The following INPP5A variants were observed in gnomAD, a reference collection of about 807,000 sequenced individuals.
INPP5A encodes inositol polyphosphate-5-phosphatase A, also known as 43 kDa inositol polyphosphate 5-phophatase.
INPP5A carries 14 observed loss-of-function variants against 65.2 expected under a neutral mutation model. The observed-to-expected ratio is 0.21, with a 90% CI of 0.14 to 0.34. The LOEUF (loss-of-function observed/expected upper bound fraction) is 0.34. Among genes scored for constraint, INPP5A ranks in the 10% least tolerant of loss-of-function variants. The pLI is 1.00. For missense variants in INPP5A, 431 were observed against 545.6 expected, an observed-to-expected ratio of 0.79 and a Z score of 2.09; for synonymous variants, 207 against 208.3, an observed-to-expected ratio of 0.99 and a Z score of 0.05.
chr10:132,692,054 C>T (rs931552195), intron 5 of INPP5A, among the ~76,000 whole-genome samples: 6 of 151,878 alleles, frequency 4.0e-5, no homozygotes, highest in African/African-American at 1.5e-4. Flanking sequence ...CGGGGGGCCT[C>T]GGGCTGGGCG....
chr10:132,766,689 T>A (rs1228463785), intron 12 of INPP5A, among the ~76,000 whole-genome samples: 1 of 152,170 alleles, frequency 6.6e-6, no homozygotes, highest in Non-Finnish European at 1.5e-5. Flanking sequence ...TGCACATGTG[T>A]GTGTGTTCAC....
chr10:132,718,920 C>T (rs1220331696), intron 8 of INPP5A, among the ~76,000 whole-genome samples: 4 of 135,498 alleles, frequency 3.0e-5, no homozygotes, highest in South Asian at 2.5e-4. Context: ...GGCTGTCTTG[C>T]GGGTTCTGTG....
intron 2 of INPP5A, among the ~76,000 whole-genome samples, chr10:132,625,840 CTGTGTGTGTGTGTG>C (rs139839964): frequency 1.1e-4 from 16 of 146,692 alleles, no homozygotes; most frequent in South Asian, 8.8e-4. Context: ...GGCAGGACTT[CTGTGTGTGTGTGTG>C]TGTGTGTGTG....
intron 1 of INPP5A, among the ~76,000 whole-genome samples, chr10:132,573,450 T>G (rs1314826488): frequency 4.0e-5 from 4 of 100,338 alleles, no homozygotes; most frequent in Non-Finnish European, 5.9e-5. Flanking sequence ...ACGTGCCGTG[T>G]GAGGTTTTGT....
rs1206635460 is a variant in INPP5A at position 132,727,452 on chromosome 10, T to C, written c.732+547T>C. 2.0e-5 allele frequency: 3 copies of C among 152,022 alleles called. No individual in the cohort carries two copies. The highest frequency in any genetic ancestry group is 1.9e-4 in the East Asian group (1 of 5,182). 9.4% of individuals were successfully genotyped at this position (152,022 alleles called of 1,614,324 possible). A position where few individuals can be genotyped will look rare whatever the true frequency, so the allele number is the denominator to read the frequency against. ...CTCAGGGGTCCAGGGTGCTCCTGGG[T>C]GTGCTTTCGGGCTGGCCGGGGACCA... is the stretch of plus-strand genomic sequence containing the variant. On this transcript the variant is annotated intron_variant, in intron 9 of 15. Transcript: ENST00000368594. The surrounding 1 kb of genome is among the most constrained non-coding windows in gnomAD (Gnocchi z 6.5).
At chr10:132,631,282 G>A (rs556629932) in intron 2 of INPP5A, among the ~76,000 whole-genome samples, 3 of 152,286 alleles carry the variant, frequency 2.0e-5, no homozygotes, top group African/African-American at 7.2e-5. Flanking sequence ...TCTGACCAGG[G>A]GCCTGTGGGA....
intron 11 of INPP5A, among the ~76,000 whole-genome samples, chr10:132,759,223 C>T (rs765160447): frequency 7.2e-5 from 11 of 152,194 alleles, no homozygotes; most frequent in Non-Finnish European, 1.6e-4. Flanking sequence ...ACAGGAAGTC[C>T]CCAGGCCCCT....
At chr10:132,564,666 C>A (rs1455245498) in intron 1 of INPP5A, among the ~76,000 whole-genome samples, 1 of 152,204 alleles carries the variant, frequency 6.6e-6, no homozygotes, top group Non-Finnish European at 1.5e-5. Context: ...ACAGACCTTG[C>A]CAAATGGCAG....
Position 132,727,558 on chromosome 10 carries a change from G to A in INPP5A, c.732+653G>A, listed in dbSNP as rs1215837218. On this transcript the variant is annotated intron_variant, in intron 9 of 15. Transcript: ENST00000368594. The surrounding 1 kb of genome is among the most constrained non-coding windows in gnomAD (Gnocchi z 6.5). Reference sequence around the variant, plus strand: ...AGGGCCGATGTTTCTCTGTGGTCCAGTCCACGCTGGCTGTGGGTCCTCCCT... The same window carrying A: ...AGGGCCGATGTTTCTCTGTGGTCCAATCCACGCTGGCTGTGGGTCCTCCCT... Among the ~76,000 whole-genome samples the A allele has an allele frequency of 1.3e-5, 2 of 152,098 alleles. No homozygotes were observed. Among genetic ancestry groups the A allele is most frequent in the Non-Finnish European group, 2.9e-5 (2 of 68,006 alleles).
At chr10:132,655,622 C>T (rs897354267) in intron 4 of INPP5A, among the ~76,000 whole-genome samples, 3 of 152,188 alleles carry the variant, frequency 2.0e-5, no homozygotes, top group Non-Finnish European at 2.9e-5. Context: ...AATTCATTTT[C>T]GTTTAACGTC....
intron 4 of INPP5A, among the ~76,000 whole-genome samples, chr10:132,664,216 A>T (rs11146456): frequency 2.0e-5 from 3 of 152,100 alleles, no homozygotes; most frequent in Non-Finnish European, 4.4e-5. Context: ...TTCCTGTGCA[A>T]ATTCTTGCGG....
chr10:132,640,960 G>A (rs527288472), intron 2 of INPP5A, among the ~76,000 whole-genome samples: 4 of 152,266 alleles, frequency 2.6e-5, no homozygotes, highest in African/African-American at 4.8e-5. Context: ...TTTTTCCGCC[G>A]GGATGCTCTG....
At chr10:132,569,479 CCT>C (rs1407998756) in intron 1 of INPP5A, among the ~76,000 whole-genome samples, 2 of 152,120 alleles carry the variant, frequency 1.3e-5, no homozygotes, top group African/African-American at 2.4e-5. Context: ...AACTCAGCCC[CCT>C]GAGTAGCTGG....
chr10:132,771,350 G>C (rs935970765), intron 12 of INPP5A, among the ~76,000 whole-genome samples: 11 of 152,232 alleles, frequency 7.2e-5, no homozygotes, highest in African/African-American at 2.7e-4. Flanking sequence ...CTGAGGGATT[G>C]ACCCTGGGAG....
chr10:132,678,868 A>G lies in INPP5A; in HGVS notation c.307-11524A>G, dbSNP rs1564960803. Reference sequence around the variant, plus strand: ...CATTTCCACAGAGACCTGAAGCAGCAGGGGGTCCATGTGAGAAGCTGGAAA... The same window carrying G: ...CATTTCCACAGAGACCTGAAGCAGCGGGGGGTCCATGTGAGAAGCTGGAAA... On this transcript the variant is annotated intron_variant, in intron 4 of 15. Transcript: ENST00000368594. The surrounding 1 kb of genome is among the most constrained non-coding windows in gnomAD (Gnocchi z 4.1). Among the ~76,000 whole-genome samples the G allele has an allele frequency of 6.6e-6, 1 of 152,198 alleles. No homozygotes were observed. The highest frequency in any genetic ancestry group is 1.5e-5 in the Non-Finnish European group (1 of 68,028).
At chr10:132,590,199 G>A (rs537542949) in intron 1 of INPP5A, among the ~76,000 whole-genome samples, 21 of 152,284 alleles carry the variant, frequency 1.4e-4, no homozygotes, top group African/African-American at 4.6e-4. Flanking sequence ...GTCAGATGCC[G>A]TCCTGTGGGA....
At chr10:132,570,947 C>G (rs2133283903) in intron 1 of INPP5A, among the ~76,000 whole-genome samples, 1 of 152,382 alleles carries the variant, frequency 6.6e-6, no homozygotes, top group South Asian at 2.1e-4. Flanking sequence ...AGCAGCCTGC[C>G]TGGCTCTCCT....
chr10:132,658,721 C>G (rs2072694392), intron 4 of INPP5A, among the ~76,000 whole-genome samples: 1 of 152,044 alleles, frequency 6.6e-6, no homozygotes, highest in South Asian at 2.1e-4. Context: ...GCTCTAGGCC[C>G]TCTGGGCTCC....
At chr10:132,686,848 G>C (rs116332544) in intron 4 of INPP5A, among the ~76,000 whole-genome samples, 2,813 of 152,334 alleles carry the variant, frequency 0.018, 90 homozygotes, top group African/African-American at 0.064. Flanking sequence ...GAGACATTAA[G>C]TTTCATCCAT....
Sources: allele counts gnomAD v4.1 joint callset (sites outside exome capture counted in the v4.1 genomes callset), GRCh38; gene constraint gnomAD v4.1.1; non-coding constraint Gnocchi (gnomAD v3.1); transcripts MANE v1.5; gene names NCBI Gene and HGNC (gene_info 2026-07-23, HGNC 2026-07-21).